The following AFF3 variants were observed in gnomAD, a reference collection of about 807,000 sequenced individuals.
The protein encoded by AFF3 is ALF transcription elongation factor 3.
AFF3 carries 32 observed loss-of-function variants against 129.7 expected under a neutral mutation model. That is an observed-to-expected ratio of 0.25 (90% CI 0.19 to 0.33). AFF3 has a LOEUF of 0.33. Ranked by LOEUF, AFF3 falls within the 10% of genes least tolerant of loss-of-function variation. The probability of loss-of-function intolerance (pLI) is 1.00; values close to 1 mark genes in which losing one functional copy is unlikely to be tolerated. For synonymous variants in AFF3, 644 were observed against 635.4 expected (o/e 1.01, Z -0.20); for missense variants, 1,373 against 1,592.0 (o/e 0.86, Z 2.34).
At chr2:100,137,558 C>CACAT (rs1553527635) in intron 1 of AFF3, among the ~76,000 whole-genome samples, 3 of 100,182 alleles carry the variant, frequency 3.0e-5, no homozygotes, top group Non-Finnish European at 7.4e-5. Context: ...CACACACACA[C>CACAT]AGACACACAG....
chr2:100,108,408 GCTGA>G (rs1442914354), intron 2 of AFF3, among the ~76,000 whole-genome samples: 3 of 152,044 alleles, frequency 2.0e-5, no homozygotes, highest in Non-Finnish European at 2.9e-5. Context: ...GTGTGGCTGT[GCTGA>G]CTGTCATCAC....
At chr2:100,096,299 G>A (rs1358467017) in intron 4 of AFF3, among the ~76,000 whole-genome samples, 2 of 151,476 alleles carry the variant, frequency 1.3e-5, no homozygotes, top group African/African-American at 4.8e-5. Flanking sequence ...TATAAAAAGT[G>A]ATTAGCCTAT....
At chr2:99,585,368 A>T (rs1287382477) in intron 16 of AFF3, among the ~76,000 whole-genome samples, 1 of 152,146 alleles carries the variant, frequency 6.6e-6, no homozygotes, top group Non-Finnish European at 1.5e-5. Flanking sequence ...CTTCTCTTGG[A>T]CTGCTGTACA....
At chr2:99,778,954 T>C (rs1226565998) in intron 8 of AFF3, among the ~76,000 whole-genome samples, 1 of 151,400 alleles carries the variant, frequency 6.6e-6, no homozygotes, top group Non-Finnish European at 1.5e-5. Context: ...TCTTTAGGGT[T>C]TTCTATATGG....
chr2:99,999,826 A>T (rs1357950431), intron 7 of AFF3, among the ~76,000 whole-genome samples: 2 of 152,216 alleles, frequency 1.3e-5, no homozygotes, highest in African/African-American at 4.8e-5. Context: ...GAAGAAACTC[A>T]GACATTCCAG....
intron 4 of AFF3, among the ~76,000 whole-genome samples, chr2:100,049,662 C>G (rs1559086816): frequency 2.0e-5 from 3 of 152,184 alleles, no homozygotes; most frequent in African/African-American, 7.2e-5. Flanking sequence ...TGAGAGCTAT[C>G]AAGAGAATGT....
intron 13 of AFF3, among the ~76,000 whole-genome samples, chr2:99,647,255 G>T (rs757325814): frequency 6.6e-6 from 1 of 152,190 alleles, no homozygotes; most frequent in Non-Finnish European, 1.5e-5. Context: ...CAACCCAAAT[G>T]CCCATTAACG....
intron 19 of AFF3, 97 bp from the exon 20 acceptor site, chr2:99,565,720 C>G: frequency 7.5e-7 from 1 of 1,325,538 alleles, no homozygotes; most frequent in South Asian, 1.5e-5. Context: ...AAACCCAACT[C>G]TGACTTCTAA....
At chr2:100,126,912 A>G (rs1034607956) in intron 2 of AFF3, among the ~76,000 whole-genome samples, 9 of 152,180 alleles carry the variant, frequency 5.9e-5, no homozygotes, top group African/African-American at 2.2e-4. Flanking sequence ...CTGGGAAAGG[A>G]GGGTATTATT....
Position 99,593,995 on chromosome 2 carries a change from C to T in AFF3, c.1666G>A (p.Val556Met), listed in dbSNP as rs771477461. The change falls in exon 15 of 25, where the codon GTG (valine) becomes ATG (methionine). Residue 556 changes from valine (V) to methionine (M), a missense_variant. Val to Met is a conservative substitution (Grantham distance 21). This residue lies in a region of AFF3 where 413 missense variants were observed against 424.4 expected (regional missense o/e 0.97). Transcript: ENST00000672756. The stretch of plus-strand genomic sequence containing the variant: ...GGCGGGGCGGCTGCGCTCACCGCCA[C>T]GGCCACGGCCGCGGGCGGGGACTTC... ...KQKSPPAAVAVAVSAAAPPPA... is the reference protein window; with the variant it reads ...KQKSPPAAVAMAVSAAAPPPA... The T allele has an allele frequency of 8.5e-6, 13 of 1,538,452 alleles. No individual in the cohort carries two copies. The highest frequency in any genetic ancestry group is 4.1e-5 in the African/African-American group (3 of 72,332).
chr2:99,624,122 C>T (rs1483659939), intron 13 of AFF3, among the ~76,000 whole-genome samples: 6 of 152,164 alleles, frequency 3.9e-5, no homozygotes, highest in Non-Finnish European at 7.3e-5. Flanking sequence ...AATGCCCAAG[C>T]CACAGCTACC....
Position 99,546,631 on chromosome 2 carries a change from T to C in AFF3, c.*4843A>G, listed in dbSNP as rs1009983277. The C allele has an allele frequency of 3.4e-5, 8 of 232,082 alleles. No homozygotes were observed. Among genetic ancestry groups the C allele is most frequent in the Non-Finnish European group, 6.8e-5 (8 of 117,434 alleles). The allele number at this position is 232,082 out of a possible 1,614,324, so 14.4% of individuals were successfully genotyped here. A position where few individuals can be genotyped will look rare whatever the true frequency, so the allele number is the denominator to read the frequency against. On this transcript the variant is annotated 3_prime_UTR_variant, in exon 25 of 25. Coordinates refer to ENST00000672756, the MANE Select transcript of AFF3 (RefSeq NM_001386135.1). ...AAAGGGTTGGAGATAAGACTAAAAA[T>C]GAAGTTAACAAACTTACCCTCCCAC...
intron 15 of AFF3, among the ~76,000 whole-genome samples, chr2:99,589,046 C>T (rs1168584676): frequency 1.3e-5 from 2 of 152,212 alleles, no homozygotes; most frequent in African/African-American, 4.8e-5. Context: ...AGTCTTTCTG[C>T]ACATCTCTCT....
At chr2:99,977,751 T>C (rs925076003) in intron 7 of AFF3, among the ~76,000 whole-genome samples, 1 of 151,924 alleles carries the variant, frequency 6.6e-6, no homozygotes, top group African/African-American at 2.4e-5. Flanking sequence ...CACAAGGAGC[T>C]GGAAGTTCAA....
At chr2:99,623,128 A>AT (rs1682196955) in intron 13 of AFF3, among the ~76,000 whole-genome samples, 2 of 148,562 alleles carry the variant, frequency 1.3e-5, no homozygotes, top group Admixed American at 1.3e-4. Context: ...GGGACCTCCA[A>AT]TTTTTTTTGT....
intron 2 of AFF3, chr2:100,106,956 G>A (rs1424827142): frequency 2.4e-5 from 24 of 985,336 alleles, no homozygotes; most frequent in Non-Finnish European, 2.8e-5. Flanking sequence ...ATGTAGTAAC[G>A]GGCAGATTTA....
chr2:99,876,524 C>T (rs934179316), intron 7 of AFF3, among the ~76,000 whole-genome samples: 1 of 152,036 alleles, frequency 6.6e-6, no homozygotes, highest in Non-Finnish European at 1.5e-5. Flanking sequence ...CCTAAGGTAC[C>T]ATCACCTCTC....
At chr2:99,939,169 A>G (rs1674797556) in intron 7 of AFF3, among the ~76,000 whole-genome samples, 1 of 152,238 alleles carries the variant, frequency 6.6e-6, no homozygotes. Context: ...TGAGAAATCA[A>G]TATCACAAAC....
chr2:100,028,674 TCTTA>T (rs549613657), intron 4 of AFF3, among the ~76,000 whole-genome samples: 3 of 152,200 alleles, frequency 2.0e-5, no homozygotes, highest in Non-Finnish European at 4.4e-5. Flanking sequence ...CATTTTCTGT[TCTTA>T]CTATTTTTGA....
Sources: gnomAD v4.1 joint callset for allele counts (sites outside exome capture counted in the v4.1 genomes callset) on GRCh38, gnomAD v4.1.1 for gene constraint, gnomAD v4.1.1 regional missense constraint, MANE v1.5 for transcripts, NCBI Gene and HGNC (gene_info 2026-07-23, HGNC 2026-07-21) for gene names.